The following KIRREL3 variants were observed in gnomAD, a reference collection of about 807,000 sequenced individuals.
KIRREL3 encodes kin of IRRE-like protein 3.
A neutral mutation model predicts 89.7 loss-of-function variants in KIRREL3; 36 were observed. That is an observed-to-expected ratio of 0.40 (90% CI 0.31 to 0.53). KIRREL3 has a LOEUF of 0.53. KIRREL3 is among the 20% of genes least tolerant of loss of function. The pLI, the probability that KIRREL3 is intolerant of heterozygous loss-of-function variation, is 0.49. For synonymous variants in KIRREL3, 445 were observed against 441.4 expected, an observed-to-expected ratio of 1.01 and a Z score of -0.10; for missense variants, 864 against 1,056.6, an observed-to-expected ratio of 0.82 and a Z score of 2.53.
rs981850668 is a variant in KIRREL3 at position 126,530,750 on chromosome 11, G to A, written c.134-4063C>T. On this transcript the variant is annotated intron_variant, in intron 2 of 16. Transcript: ENST00000525144. This position sits in a 1 kb window ranked among gnomAD's most constrained non-coding sequence, Gnocchi z 5.8. ...CCGGCCCAGGGTTTCCATCTTCTCC[G>A]CTTCGCATTTTCCCTGATGATGTTC... Among the ~76,000 whole-genome samples, 5 of 152,312 alleles carry A rather than the reference G, an allele frequency of 3.3e-5. No homozygotes were observed. Among genetic ancestry groups the A allele is most frequent in the South Asian group, 2.1e-4 (1 of 4,822 alleles).
rs556429724 is a variant in KIRREL3 at position 126,807,782 on chromosome 11, C to T, written c.55+192673G>A. Among the ~76,000 whole-genome samples, 1 of 152,222 alleles carries T rather than the reference C, an allele frequency of 6.6e-6. No individual in the cohort carries two copies. The highest frequency in any genetic ancestry group is 1.9e-4 in the East Asian group (1 of 5,200). ...TGGTTGGAGAGTCCTTTAATGGGTG[C>T]TGCTGATGGCTATCGCTGATGTAGT... On this transcript the variant is annotated intron_variant, in intron 1 of 16. Coordinates refer to ENST00000525144, the MANE Select transcript of KIRREL3 (RefSeq NM_032531.4). This position sits in a 1 kb window ranked among gnomAD's most constrained non-coding sequence, Gnocchi z 4.3.
chr11:126,466,002 G>A (rs1828668013), intron 5 of KIRREL3, among the ~76,000 whole-genome samples: 4 of 152,154 alleles, frequency 2.6e-5, no homozygotes, highest in Admixed American at 2.0e-4. Context: ...GTGCTAACAA[G>A]GGACATTTAC....
At position 126,872,884 on chromosome 11, in the gene KIRREL3, G is replaced by A. The variant is rs1308580414; in HGVS notation, c.55+127571C>T. 2.6e-5 allele frequency among the ~76,000 whole-genome samples: 4 copies of A among 151,988 alleles called. No homozygotes were observed. The highest frequency in any genetic ancestry group is 2.9e-5 in the Non-Finnish European group (2 of 67,988). ...CAGGCCTCCTGGGCATCTAAGTGACGGCCACTGTTCACCAGCTGTGCCGAG... is the reference window on the plus strand; with the variant it reads ...CAGGCCTCCTGGGCATCTAAGTGACAGCCACTGTTCACCAGCTGTGCCGAG... On this transcript the variant is annotated intron_variant, in intron 1 of 16. Transcript: ENST00000525144. The surrounding 1 kb of genome is among the most constrained non-coding windows in gnomAD (Gnocchi z 4.2).
In KIRREL3 at chr11:126,954,223, A is replaced by G. The variant is rs945509182; in HGVS notation, c.55+46232T>C. 3.3e-5 allele frequency among the ~76,000 whole-genome samples: 5 copies of G among 151,806 alleles called. No individual in the cohort carries two copies. Among genetic ancestry groups the G allele is most frequent in the African/African-American group, 1.2e-4 (5 of 41,286 alleles). ...GTAGCGTTAGCTGCTGCCTGGACTC[A>G]AGGATTATAGAGGAATTCTGGGAAG... is the stretch of plus-strand genomic sequence containing the variant. On this transcript the variant is annotated intron_variant, in intron 1 of 16. Coordinates refer to ENST00000525144, the MANE Select transcript of KIRREL3 (RefSeq NM_032531.4). This position sits in a 1 kb window ranked among gnomAD's most constrained non-coding sequence, Gnocchi z 4.1.
At position 126,622,439 on chromosome 11, in the gene KIRREL3, G is replaced by A. The variant is rs1044973308; in HGVS notation, c.56-59527C>T. 2.0e-5 allele frequency among the ~76,000 whole-genome samples: 3 copies of A among 152,192 alleles called. No homozygotes were observed. Among genetic ancestry groups the A allele is most frequent in the Non-Finnish European group, 4.4e-5 (3 of 68,042 alleles). ...GGTGCTACTGGTCCCTCTGGAGGAA[G>A]GGTAGCTACTGATGAGCCTTCCCTG... On this transcript the variant is annotated intron_variant, in intron 1 of 16. Coordinates refer to ENST00000525144, the MANE Select transcript of KIRREL3 (RefSeq NM_032531.4). This position sits in a 1 kb window ranked among gnomAD's most constrained non-coding sequence, Gnocchi z 5.2.
At chr11:126,929,193 T>C (rs1212444065) in intron 1 of KIRREL3, among the ~76,000 whole-genome samples, 1 of 152,038 alleles carries the variant, frequency 6.6e-6, no homozygotes, top group Middle Eastern at 3.2e-3. Flanking sequence ...TAATGGAGAA[T>C]AGAATTTTAA....
intron 1 of KIRREL3, among the ~76,000 whole-genome samples, chr11:126,873,575 CA>C (rs1945177721): frequency 6.6e-6 from 1 of 152,118 alleles, no homozygotes; most frequent in South Asian, 2.1e-4. Context: ...TTGTTTAAAG[CA>C]AAAGCAATTT....
chr11:126,862,307 C>T (rs563456266), intron 1 of KIRREL3, among the ~76,000 whole-genome samples: 1 of 152,352 alleles, frequency 6.6e-6, no homozygotes, highest in South Asian at 2.1e-4. Flanking sequence ...TTAAGACATC[C>T]TGTCAGAACC....
rs1957555166 is a variant in KIRREL3 at position 126,492,721 on chromosome 11, T to C, written c.434-19255A>G. Among the ~76,000 whole-genome samples, 1 of 151,934 alleles carries C rather than the reference T, an allele frequency of 6.6e-6. No homozygotes were observed. On this transcript the variant is annotated intron_variant, in intron 4 of 16. Transcript: ENST00000525144. This position sits in a 1 kb window ranked among gnomAD's most constrained non-coding sequence, Gnocchi z 4.8. ...TTCATGCCTCAGTGACTGTTAATGGTGAAATATCAAGATGCTGAGGGGGCT... is the reference window on the plus strand; with the variant it reads ...TTCATGCCTCAGTGACTGTTAATGGCGAAATATCAAGATGCTGAGGGGGCT...
chr11:126,950,964 C>A (rs1948758029), intron 1 of KIRREL3, among the ~76,000 whole-genome samples: 1 of 152,146 alleles, frequency 6.6e-6, no homozygotes, highest in Non-Finnish European at 1.5e-5. Context: ...AGAGGTAGGA[C>A]AAAGATCAAA....
At chr11:126,524,783 C>T (rs556042764) in intron 3 of KIRREL3, among the ~76,000 whole-genome samples, 8 of 152,254 alleles carry the variant, frequency 5.3e-5, no homozygotes, top group East Asian at 1.9e-4. Flanking sequence ...GGAGAGCTTT[C>T]GCGGTGTTAA....
At chr11:126,815,917 A>C (rs1433646743) in intron 1 of KIRREL3, among the ~76,000 whole-genome samples, 1 of 152,094 alleles carries the variant, frequency 6.6e-6, no homozygotes, top group Non-Finnish European at 1.5e-5. Flanking sequence ...ATAAGCAAAA[A>C]CCACACGACG....
At chr11:126,863,869 A>T (rs1944833581) in intron 1 of KIRREL3, among the ~76,000 whole-genome samples, 1 of 152,192 alleles carries the variant, frequency 6.6e-6, no homozygotes, top group African/African-American at 2.4e-5. Flanking sequence ...AGCTCACACA[A>T]CAAAGGTAGG....
At chr11:126,633,058 G>A (rs978622134) in intron 1 of KIRREL3, among the ~76,000 whole-genome samples, 1 of 151,862 alleles carries the variant, frequency 6.6e-6, no homozygotes, top group African/African-American at 2.4e-5. Context: ...CTTCAGCCTG[G>A]GCAATAGAGT....
At position 126,587,044 on chromosome 11, in the gene KIRREL3, A is replaced by G. The variant is rs118010374; in HGVS notation, c.56-24132T>C. On this transcript the variant is annotated intron_variant, in intron 1 of 16. Coordinates refer to ENST00000525144, the MANE Select transcript of KIRREL3 (RefSeq NM_032531.4). The surrounding 1 kb of genome is among the most constrained non-coding windows in gnomAD (Gnocchi z 5.2). ...ACCAGAGAGAGTCCCTGCCTCAGGG[A>G]GCTGGGAGTCAGTGGGAGAGATGAA... Among the ~76,000 whole-genome samples the G allele has an allele frequency of 0.017, 2,661 of 152,256 alleles. 37 individuals carry two copies. The highest frequency in any genetic ancestry group is 0.082 in the Middle Eastern group (24 of 294).
chr11:126,784,347 G>A (rs562822729), intron 1 of KIRREL3, among the ~76,000 whole-genome samples: 4 of 152,126 alleles, frequency 2.6e-5, no homozygotes, highest in Non-Finnish European at 5.9e-5. Flanking sequence ...GTACTATTTT[G>A]CAACTTTTAT....
intron 1 of KIRREL3, among the ~76,000 whole-genome samples, chr11:126,857,668 A>T (rs1944566694): frequency 6.6e-6 from 1 of 151,798 alleles, no homozygotes; most frequent in South Asian, 2.1e-4. Flanking sequence ...CATTTCCAGG[A>T]CTTGAACTTA....
rs60734512 is a variant in KIRREL3 at position 126,425,787 on chromosome 11, A to G, written c.1807-63T>C. 1,349 of 1,303,908 alleles carry G rather than the reference A, an allele frequency of 1.0e-3. 13 individuals are homozygous for G. In the African/African-American group the frequency reaches 0.018, roughly 17 times the overall value. 80.8% of individuals were successfully genotyped at this position (1,303,908 alleles called of 1,614,324 possible). ...GGCTAAACCTCCACTTCCCCCAAGG[A>G]AAAGATGAGATCAGAAACTCAAAAG... On this transcript the variant is annotated intron_variant, in intron 15 of 16. Transcript: ENST00000525144.
intron 1 of KIRREL3, among the ~76,000 whole-genome samples, chr11:126,644,888 G>A (rs988305252): frequency 1.3e-5 from 2 of 152,188 alleles, no homozygotes; most frequent in African/African-American, 4.8e-5. Context: ...GTCACAAATA[G>A]CTTGAGCCTG....
Sources: allele counts gnomAD v4.1 joint callset (sites outside exome capture counted in the v4.1 genomes callset), GRCh38; gene constraint gnomAD v4.1.1; non-coding constraint Gnocchi (gnomAD v3.1); transcripts MANE v1.5; gene names NCBI Gene and HGNC (gene_info 2026-07-23, HGNC 2026-07-21).